Variants in TMEM108 observed in about 807,000 individuals in gnomAD.
TMEM108 encodes cancer/testis antigen 124.
A neutral mutation model predicts 35.1 loss-of-function variants in TMEM108; 12 were observed. The ratio of observed to expected loss-of-function variants is 0.34; its 90% confidence interval spans 0.22 to 0.55. The LOEUF is 0.55. TMEM108 is among the 20% of genes least tolerant of loss of function. The probability of loss-of-function intolerance (pLI) is 0.89; values close to 1 mark genes in which losing one functional copy is unlikely to be tolerated. For missense variants in TMEM108, 680 were observed against 753.3 expected (o/e 0.90, Z 1.14); for synonymous variants, 287 against 308.6 (o/e 0.93, Z 0.73).
In TMEM108 at chr3:133,354,412, G is replaced by A. The variant is rs578262367; in HGVS notation, c.41-25340G>A. On this transcript the variant is annotated intron_variant, in intron 3 of 5. Coordinates refer to ENST00000321871, the MANE Select transcript of TMEM108 (RefSeq NM_023943.4). ...CCACATTACAGGGGCACAGAATGGTGAGCTGACATCTAGAACATTGAATCG... is the reference window on the plus strand; with the variant it reads ...CCACATTACAGGGGCACAGAATGGTAAGCTGACATCTAGAACATTGAATCG... 5.3e-5 allele frequency among the ~76,000 whole-genome samples: 8 copies of A among 152,320 alleles called. No individual in the cohort carries two copies. In the South Asian group the frequency reaches 6.2e-4, roughly 12 times the overall value.
intron 2 of TMEM108, among the ~76,000 whole-genome samples, chr3:133,181,023 A>AC (rs1559859754): frequency 3.4e-4 from 48 of 141,958 alleles, no homozygotes; most frequent in African/African-American, 1.4e-3. Flanking sequence ...AAAAAAAAAA[A>AC]AAAAAAAAAA....
intron 3 of TMEM108, among the ~76,000 whole-genome samples, chr3:133,320,249 G>T (rs1241236243): frequency 6.6e-6 from 1 of 151,868 alleles, no homozygotes; most frequent in Non-Finnish European, 1.5e-5. Flanking sequence ...CCAGAGAAAG[G>T]TGAAAACCAA....
intron 2 of TMEM108, among the ~76,000 whole-genome samples, chr3:133,175,590 A>G (rs1945206370): frequency 6.6e-6 from 1 of 152,232 alleles, no homozygotes; most frequent in Non-Finnish European, 1.5e-5. Flanking sequence ...TAAGTGAAGG[A>G]GAAATAAAAT....
At chr3:133,223,972 A>G (rs540703414) in intron 2 of TMEM108, among the ~76,000 whole-genome samples, 17 of 152,346 alleles carry the variant, frequency 1.1e-4, no homozygotes, top group Middle Eastern at 3.4e-3. Flanking sequence ...TCCTAGATTT[A>G]TAGGCTCAGT....
intron 2 of TMEM108, among the ~76,000 whole-genome samples, chr3:133,147,056 G>A (rs910797361): frequency 1.3e-5 from 2 of 152,048 alleles, no homozygotes; most frequent in Non-Finnish European, 2.9e-5. Flanking sequence ...TGATATTAGG[G>A]TGTCGATTGT....
intron 5 of TMEM108, among the ~76,000 whole-genome samples, chr3:133,394,463 T>G (rs1250014850): frequency 1.3e-5 from 2 of 152,252 alleles, no homozygotes; most frequent in Non-Finnish European, 2.9e-5. Context: ...CTTTTCTCCC[T>G]CCTTCTCTCC....
At chr3:133,186,803 TTGCTTC>T (rs1294821966) in intron 2 of TMEM108, among the ~76,000 whole-genome samples, 14 of 152,244 alleles carry the variant, frequency 9.2e-5, no homozygotes, top group Admixed American at 2.0e-4. Context: ...AAATATCATA[TTGCTTC>T]CAGACATCTG....
At chr3:133,062,033 G>A (rs1224698069) in intron 2 of TMEM108, among the ~76,000 whole-genome samples, 7 of 152,210 alleles carry the variant, frequency 4.6e-5, no homozygotes, top group South Asian at 4.1e-4. Context: ...TCCTAAAAAC[G>A]TGCAATTTAA....
intron 2 of TMEM108, among the ~76,000 whole-genome samples, chr3:133,049,400 A>T (rs1487425804): frequency 6.6e-6 from 1 of 152,192 alleles, no homozygotes; most frequent in Non-Finnish European, 1.5e-5. Context: ...GATAGGGAGT[A>T]TGTCCATCAT....
intron 3 of TMEM108, among the ~76,000 whole-genome samples, chr3:133,362,178 G>T (rs1010835920): frequency 3.3e-5 from 5 of 152,150 alleles, no homozygotes; most frequent in African/African-American, 1.2e-4. Flanking sequence ...AAACTTTGCT[G>T]CAGGCCCAAA....
rs370484877 is a variant in TMEM108 at position 133,087,880 on chromosome 3, C to T, written c.-47+41860C>T. Among the ~76,000 whole-genome samples, 98 of 152,218 alleles carry T rather than the reference C, an allele frequency of 6.4e-4. No individual in the cohort carries two copies. The South Asian group carries it at 0.016, about 24-fold the overall frequency. ...CATCATCCAGGAGGGCAGCCTCTGT[C>T]GTGTCATTAGAGTCGAGGCCCAACT... On this transcript the variant is annotated intron_variant, in intron 2 of 5. Coordinates refer to ENST00000321871, the MANE Select transcript of TMEM108 (RefSeq NM_023943.4).
chr3:133,245,261 C>G (rs1946368731), intron 3 of TMEM108, among the ~76,000 whole-genome samples: 1 of 152,202 alleles, frequency 6.6e-6, no homozygotes, highest in Middle Eastern at 3.2e-3. Flanking sequence ...AGCATGAGTC[C>G]AGATTCTCAG....
chr3:133,216,772 A>C (rs376265175), intron 2 of TMEM108, among the ~76,000 whole-genome samples: 4 of 152,222 alleles, frequency 2.6e-5, no homozygotes, highest in East Asian at 1.9e-4. Flanking sequence ...GCTTCTTTTT[A>C]AATGCTGAAT....
At chr3:133,325,881 A>G (rs1236628406) in intron 3 of TMEM108, among the ~76,000 whole-genome samples, 1 of 152,074 alleles carries the variant, frequency 6.6e-6, no homozygotes, top group African/African-American at 2.4e-5. Context: ...GTGCTATAAC[A>G]TTATGTTTAC....
chr3:133,143,346 C>T (rs1212660845), intron 2 of TMEM108, among the ~76,000 whole-genome samples: 1 of 151,638 alleles, frequency 6.6e-6, no homozygotes, highest in Non-Finnish European at 1.5e-5. Context: ...TTCCAGATTT[C>T]ATAGATTAAT....
chr3:133,388,905 C>T, intron 4 of TMEM108: 1 of 985,654 alleles, frequency 1.0e-6, no homozygotes, highest in Non-Finnish European at 1.2e-6. Flanking sequence ...AGAGCTGGCC[C>T]TCTGCCAACC....
At chr3:133,324,284 A>T (rs1336541301) in intron 3 of TMEM108, among the ~76,000 whole-genome samples, 1 of 152,186 alleles carries the variant, frequency 6.6e-6, no homozygotes, top group Non-Finnish European at 1.5e-5. Context: ...CTGACAAAGG[A>T]CTACTATCCA....
rs144805551 is a variant in TMEM108 at position 133,374,840 on chromosome 3, G to A, written c.41-4912G>A. Reference sequence around the variant, plus strand: ...GAAAAGTCAAGAGACCAACAATAGAGAATCAGTTCTCCAAAGATGTGAATC... The same window carrying A: ...GAAAAGTCAAGAGACCAACAATAGAAAATCAGTTCTCCAAAGATGTGAATC... On this transcript the variant is annotated intron_variant, in intron 3 of 5. Transcript: ENST00000321871. Among the ~76,000 whole-genome samples, 274 of 152,300 alleles carry A rather than the reference G, an allele frequency of 1.8e-3. 1 individual carries two copies. Among genetic ancestry groups the A allele is most frequent in the East Asian group, 3.5e-3 (18 of 5,190 alleles).
At chr3:133,366,227 A>G (rs77466059) in intron 3 of TMEM108, among the ~76,000 whole-genome samples, 1,911 of 152,306 alleles carry the variant, frequency 0.013, 43 homozygotes, top group African/African-American at 0.042. Context: ...ATGCCTATGG[A>G]TAAACTTTAC....
Sources: gnomAD v4.1 joint callset for allele counts (sites outside exome capture counted in the v4.1 genomes callset) on GRCh38, gnomAD v4.1.1 for gene constraint, MANE v1.5 for transcripts, NCBI Gene and HGNC (gene_info 2026-07-23, HGNC 2026-07-21) for gene names.